The following DNAH5 variants were observed in gnomAD, a reference collection of about 807,000 sequenced individuals.
The protein encoded by DNAH5 is dynein axonemal heavy chain 5, also known as axonemal beta dynein heavy chain 5.
A neutral mutation model predicts 518.2 loss-of-function variants in DNAH5; 372 were observed. The ratio of observed to expected loss-of-function variants is 0.72; its 90% confidence interval spans 0.66 to 0.78. DNAH5 has a LOEUF of 0.78. DNAH5 is among the 30% of genes least tolerant of loss of function. DNAH5 has a pLI of 0.00. For synonymous variants in DNAH5, 2,039 were observed against 2,025.9 expected, an observed-to-expected ratio of 1.01 and a Z score of -0.17; for missense variants, 5,523 against 5,687.0, an observed-to-expected ratio of 0.97 and a Z score of 0.93.
chr5:13,963,816 G>A (rs1236068297), intron 1 of DNAH5, among the ~76,000 whole-genome samples: 1 of 152,072 alleles, frequency 6.6e-6, no homozygotes, highest in Non-Finnish European at 1.5e-5. Context: ...AGCCTCCTGA[G>A]TACATGGGAC....
intron 76 of DNAH5, among the ~76,000 whole-genome samples, chr5:13,702,581 T>C (rs1004884271): frequency 2.0e-5 from 3 of 152,210 alleles, no homozygotes; most frequent in Admixed American, 1.3e-4. Flanking sequence ...TGGCCACTGA[T>C]CTGGAAGAAT....
chr5:13,883,988 A>C (rs2151940009), intron 19 of DNAH5, among the ~76,000 whole-genome samples: 1 of 152,244 alleles, frequency 6.6e-6, no homozygotes, highest in South Asian at 2.1e-4. Flanking sequence ...TTCAGTTTTC[A>C]TTAATTACTA....
intron 1 of DNAH5, among the ~76,000 whole-genome samples, chr5:13,964,494 T>C (rs1326434107): frequency 6.6e-6 from 1 of 152,204 alleles, no homozygotes; most frequent in Non-Finnish European, 1.5e-5. Flanking sequence ...CAAGAGGGGC[T>C]AGAGGCAGAG....
In DNAH5 at chr5:13,811,705, A is replaced by C; in HGVS notation, c.7349T>G (p.Leu2450Arg). 6.2e-7 allele frequency: 1 copy of C among 1,614,242 alleles called. No individual in the cohort carries two copies. Among genetic ancestry groups the C allele is most frequent in the Non-Finnish European group, 8.5e-7 (1 of 1,180,044 alleles). The change falls in exon 44 of 79, where the codon CTG becomes CGG. Residue 2450 changes from leucine to arginine, a missense_variant. Transcript: ENST00000265104. ...GCTCTGTGTGATGACAAAGGCCTCC[A>C]GCACCTCCATCTTGTATTCTAAGTT... ...IQNLEYKMEV[L>R]EAFVITQSIN...
At chr5:13,782,522 C>G (rs1755329996) in intron 52 of DNAH5, among the ~76,000 whole-genome samples, 1 of 152,120 alleles carries the variant, frequency 6.6e-6, no homozygotes, top group African/African-American at 2.4e-5. Flanking sequence ...CATGCCTCTT[C>G]AGATCTTCCC....
intron 47 of DNAH5, among the ~76,000 whole-genome samples, chr5:13,795,935 C>T (rs1757750960): frequency 6.6e-6 from 1 of 152,136 alleles, no homozygotes; most frequent in African/African-American, 2.4e-5. Flanking sequence ...ATAAACAGAA[C>T]CAACAACAAA....
At chr5:13,798,120 G>C (rs911309906) in intron 47 of DNAH5, among the ~76,000 whole-genome samples, 1 of 152,080 alleles carries the variant, frequency 6.6e-6, no homozygotes, top group African/African-American at 2.4e-5. Context: ...GAGTTGATGG[G>C]TGCAGCAAAC....
At chr5:13,726,415 C>T (rs1452302169) in intron 70 of DNAH5, among the ~76,000 whole-genome samples, 6 of 152,038 alleles carry the variant, frequency 3.9e-5, no homozygotes, top group African/African-American at 9.7e-5. Context: ...GTCCAGGGAT[C>T]GGAGAAGCTA....
intron 70 of DNAH5, among the ~76,000 whole-genome samples, chr5:13,722,031 A>C (rs997714284): frequency 3.3e-5 from 5 of 152,148 alleles, no homozygotes; most frequent in African/African-American, 1.2e-4. Context: ...GTCTTCTTCC[A>C]CCTTAGATGG....
At chr5:13,966,623 C>A (rs937123580) in intron 1 of DNAH5, among the ~76,000 whole-genome samples, 4 of 152,142 alleles carry the variant, frequency 2.6e-5, no homozygotes, top group Admixed American at 1.3e-4. Flanking sequence ...TGATGTTGGG[C>A]ATTTTTTCAT....
chr5:13,820,660 T>TA (rs1268710721), intron 40 of DNAH5, among the ~76,000 whole-genome samples, 161 bp from the exon 41 acceptor site: 11 of 151,544 alleles, frequency 7.3e-5, no homozygotes, highest in Non-Finnish European at 2.9e-5. Flanking sequence ...CCGTCTCTAC[T>TA]AAAAAAATAC....
chr5:13,719,850 TAAGAA>T (rs1744803964), intron 71 of DNAH5, among the ~76,000 whole-genome samples: 2 of 152,112 alleles, frequency 1.3e-5, no homozygotes, highest in Admixed American at 1.3e-4. Flanking sequence ...CTGACCACAC[TAAGAA>T]GAGAAAGAGC....
In DNAH5 at chr5:13,752,238, A is replaced by G. The variant is rs1750340127; in HGVS notation, c.10924T>C (p.Ser3642Pro). The G allele has an allele frequency of 6.2e-7, 1 of 1,613,934 alleles. No individual in the cohort carries two copies. The highest frequency in any genetic ancestry group is 1.1e-5 in the South Asian group (1 of 91,082). Residue 3642 changes from serine to proline, a missense_variant, in exon 64 of 79, where the codon TCT becomes CCT. Physicochemically the swap from Ser to Pro is moderately conservative, Grantham distance 74. Around this residue, in one of 3 missense-constraint regions of DNAH5, gnomAD observed 5,121 missense variants for 5,223.3 expected, o/e 0.98. Coordinates refer to ENST00000265104, the MANE Select transcript of DNAH5 (RefSeq NM_001369.3). The part of the protein sequence containing the change: ...YFRNHLEDSL[S>P]LGRPLLIEDV... ...TCAATAAGCAAAGGCCTTCCAAGAGAAAGGCTGTCTTCCAGGTGGTTTCTG... is the reference window on the plus strand; with the variant it reads ...TCAATAAGCAAAGGCCTTCCAAGAGGAAGGCTGTCTTCCAGGTGGTTTCTG...
chr5:13,936,016 C>A (rs1372523635), intron 1 of DNAH5, among the ~76,000 whole-genome samples: 1 of 152,150 alleles, frequency 6.6e-6, no homozygotes, highest in East Asian at 1.9e-4. Flanking sequence ...AACATTGCGG[C>A]AATTTGTGAT....
At chr5:13,752,455 G>C (rs1750375834) in intron 63 of DNAH5, among the ~76,000 whole-genome samples, 166 bp from the exon 64 acceptor site, 1 of 152,166 alleles carries the variant, frequency 6.6e-6, no homozygotes, top group African/African-American at 2.4e-5. Flanking sequence ...CCCACATGAT[G>C]CCCACAGTGG....
intron 1 of DNAH5, among the ~76,000 whole-genome samples, chr5:13,981,796 G>A (rs1441092996): frequency 6.6e-6 from 1 of 152,308 alleles, no homozygotes; most frequent in East Asian, 1.9e-4. Flanking sequence ...GGGGAAAGAA[G>A]AGTTACAGAA....
chr5:13,804,359 G>A (rs1024895487), intron 47 of DNAH5, among the ~76,000 whole-genome samples: 3 of 152,308 alleles, frequency 2.0e-5, no homozygotes, highest in South Asian at 2.1e-4. Flanking sequence ...CGCGCCCTTC[G>A]TTGGACAGTG....
In DNAH5 at chr5:13,817,652, G is replaced by A. The variant is rs368441809; in HGVS notation, c.6884C>T (p.Ala2295Val). ...PHREMRMNPK[A>V]ITAPQMFGRL... is the part of the protein sequence containing the mutation. ...ACCAAACATCTGTGGGGCAGTAATC[G>A]CTTTGGGATTCATCCTCATTTCCCG... is the stretch of plus-strand genomic sequence containing the variant. Residue 2295 changes from alanine (A) to valine (V), a missense_variant, in exon 42 of 79, where the codon GCG becomes GTG. Ala to Val is a moderately conservative substitution (Grantham distance 64). This residue lies in a region of DNAH5 where 5,121 missense variants were observed against 5,223.3 expected (regional missense o/e 0.98). Coordinates refer to ENST00000265104, the MANE Select transcript of DNAH5 (RefSeq NM_001369.3). 8.7e-6 allele frequency: 14 copies of A among 1,614,006 alleles called. No homozygotes were observed. The highest frequency in any genetic ancestry group is 4.0e-5 in the African/African-American group (3 of 74,900).
chr5:13,900,744 A>G (rs969864797), intron 14 of DNAH5: 1 of 353,330 alleles, frequency 2.8e-6, no homozygotes, highest in African/African-American at 2.1e-5. Context: ...CTTCCTAATA[A>G]AAGTTTCGTA....
Sources: allele counts gnomAD v4.1 joint callset (sites outside exome capture counted in the v4.1 genomes callset), GRCh38; gene constraint gnomAD v4.1.1; regional missense constraint gnomAD v4.1.1; transcripts MANE v1.5; gene names NCBI Gene and HGNC (gene_info 2026-07-23, HGNC 2026-07-21).